Variants in SLC44A5 observed in about 807,000 individuals in gnomAD.
The protein encoded by SLC44A5 is choline transporter-like protein 5.
A neutral mutation model predicts 101.8 loss-of-function variants in SLC44A5; 57 were observed. The ratio of observed to expected loss-of-function variants is 0.56; its 90% CI spans 0.45 to 0.70. The LOEUF is 0.70. Among genes scored for constraint, SLC44A5 ranks in the 30% least tolerant of loss-of-function variants. SLC44A5 has a pLI of 0.00. For synonymous variants in SLC44A5, 281 were observed against 290.9 expected, an observed-to-expected ratio of 0.97 and a Z score of 0.35; for missense variants, 737 against 853.1, an observed-to-expected ratio of 0.86 and a Z score of 1.70.
the SLC44A5 span, among the ~76,000 whole-genome samples, chr1:75,704,339 C>T: frequency 6.6e-6 from 1 of 151,984 alleles, no homozygotes; most frequent in South Asian, 2.1e-4. Context: ...GAAAATAAAG[C>T]TCGGCAGAAC....
chr1:75,602,706 T>C (rs1675050472), intron 1 of SLC44A5, among the ~76,000 whole-genome samples: 1 of 152,038 alleles, frequency 6.6e-6, no homozygotes, highest in South Asian at 2.1e-4. Flanking sequence ...CTGAGATAAA[T>C]AAGAAAAATG....
chr1:75,237,300 T>G (rs1648180791), intron 10 of SLC44A5, among the ~76,000 whole-genome samples: 1 of 152,068 alleles, frequency 6.6e-6, no homozygotes. Context: ...TCAAGAACGG[T>G]GAACAAATCC....
At chr1:75,307,818 G>C (rs947056553) in intron 4 of SLC44A5, among the ~76,000 whole-genome samples, 4 of 152,182 alleles carry the variant, frequency 2.6e-5, no homozygotes, top group Admixed American at 2.6e-4. Flanking sequence ...TGAGAGCTGA[G>C]ATTTTATTAG....
At chr1:75,220,082 A>G (rs1191420699) in intron 14 of SLC44A5, among the ~76,000 whole-genome samples, 190 bp from the exon 15 acceptor site, 3 of 152,096 alleles carry the variant, frequency 2.0e-5, no homozygotes, top group Non-Finnish European at 4.4e-5. Flanking sequence ...CATTTTTCCG[A>G]TGCACATGTT....
chr1:75,650,084 AG>A, the SLC44A5 span, among the ~76,000 whole-genome samples: 1 of 151,912 alleles, frequency 6.6e-6, no homozygotes, highest in African/African-American at 2.4e-5. Context: ...TTTATACTTT[AG>A]GGAGTATGAG....
the SLC44A5 span, among the ~76,000 whole-genome samples, chr1:75,716,267 C>T: frequency 6.6e-6 from 1 of 152,082 alleles, no homozygotes; most frequent in Non-Finnish European, 1.5e-5. Context: ...TTGCTTGAGT[C>T]CCAGAGTTAG....
At chr1:75,634,156 C>A in the SLC44A5 span, among the ~76,000 whole-genome samples, 1 of 152,134 alleles carries the variant, frequency 6.6e-6, no homozygotes. Context: ...CATCAATGTT[C>A]ATCAAGGATA....
the SLC44A5 span, among the ~76,000 whole-genome samples, chr1:75,671,818 C>A: frequency 1.3e-5 from 2 of 152,206 alleles, no homozygotes. Context: ...TATTCTGATA[C>A]AGGCTGAAGT....
intron 2 of SLC44A5, among the ~76,000 whole-genome samples, chr1:75,510,112 T>C (rs1298719621): frequency 1.3e-5 from 2 of 152,158 alleles, no homozygotes; most frequent in Non-Finnish European, 2.9e-5. Flanking sequence ...CCCACCTCCA[T>C]GATTCAATTA....
chr1:75,355,229 C>G (rs776067479), intron 3 of SLC44A5, among the ~76,000 whole-genome samples: 7 of 151,976 alleles, frequency 4.6e-5, no homozygotes, highest in African/African-American at 7.3e-5. Flanking sequence ...ATAAAGAGCT[C>G]TTAACTAATT....
At chr1:75,481,277 G>T (rs1199476277) in intron 2 of SLC44A5, among the ~76,000 whole-genome samples, 4 of 152,178 alleles carry the variant, frequency 2.6e-5, no homozygotes, top group African/African-American at 9.7e-5. Flanking sequence ...AGACTTAAAT[G>T]TTAGACCTAA....
intron 2 of SLC44A5, among the ~76,000 whole-genome samples, chr1:75,517,918 C>A (rs758007604): frequency 6.6e-6 from 1 of 152,124 alleles, no homozygotes; most frequent in African/African-American, 2.4e-5. Context: ...TTTTGGCCAT[C>A]CTTTCTACTG....
At chr1:75,351,383 C>T (rs1182662717) in intron 3 of SLC44A5, among the ~76,000 whole-genome samples, 1 of 151,916 alleles carries the variant, frequency 6.6e-6, no homozygotes, top group Non-Finnish European at 1.5e-5. Flanking sequence ...AAATAATAAA[C>T]TTGGACATTA....
At chr1:75,394,768 T>A (rs573174380) in intron 3 of SLC44A5, among the ~76,000 whole-genome samples, 8 of 152,196 alleles carry the variant, frequency 5.3e-5, no homozygotes, top group Admixed American at 1.3e-4. Context: ...AGTGTAAATG[T>A]GGAGTGAATG....
chr1:75,428,036 C>T lies in SLC44A5; in HGVS notation c.14-31415G>A, dbSNP rs137981171. ...GATTCTCCAGAGTGCTCACTTCCCT[C>T]GAGTACGGCAAGGAGGAATGTTTGA... is the stretch of plus-strand genomic sequence containing the variant. On this transcript the variant is annotated intron_variant, in intron 2 of 23. Coordinates refer to ENST00000370859, the MANE Select transcript of SLC44A5 (RefSeq NM_001130058.2). 1.1e-4 allele frequency among the ~76,000 whole-genome samples: 16 copies of T among 152,292 alleles called. No homozygotes were observed. The East Asian group carries it at 1.4e-3, about 13-fold the overall frequency.
chr1:75,582,844 A>G (rs142923146), intron 1 of SLC44A5, among the ~76,000 whole-genome samples: 79 of 152,206 alleles, frequency 5.2e-4, no homozygotes, highest in African/African-American at 1.9e-3. Flanking sequence ...TTTCTCTACA[A>G]TTTATCTGCT....
At chr1:75,415,595 C>T (rs1415884217) in intron 2 of SLC44A5, among the ~76,000 whole-genome samples, 3 of 152,152 alleles carry the variant, frequency 2.0e-5, no homozygotes, top group African/African-American at 7.2e-5. Flanking sequence ...AATTGGGTAA[C>T]AGGCAGAGGT....
rs187031256 is a variant in SLC44A5, at chr1:75,343,333, C to T, written c.53-3703G>A. Among the ~76,000 whole-genome samples, 275 of 152,128 alleles carry T rather than the reference C, an allele frequency of 1.8e-3. 3 individuals carry two copies. The highest frequency in any genetic ancestry group is 8.6e-3 in the Admixed American group (131 of 15,276). On this transcript the variant is annotated intron_variant, in intron 3 of 23. Transcript: ENST00000370859. ...TATTGCAGCCATACAATGCAATTTCCAAACCAGAAATAATTCATGAAGATT... is the reference window on the plus strand; with the variant it reads ...TATTGCAGCCATACAATGCAATTTCTAAACCAGAAATAATTCATGAAGATT...
chr1:75,663,807 A>C, the SLC44A5 span, among the ~76,000 whole-genome samples: 1 of 152,186 alleles, frequency 6.6e-6, no homozygotes, highest in Non-Finnish European at 1.5e-5. Context: ...AACATATCCT[A>C]TGAAGCCAGT....
Sources: allele counts gnomAD v4.1 joint callset (sites outside exome capture counted in the v4.1 genomes callset), GRCh38; gene constraint gnomAD v4.1.1; transcripts MANE v1.5; gene names NCBI Gene and HGNC (gene_info 2026-07-23, HGNC 2026-07-21).